Variants in DYNC2H1 observed in about 807,000 individuals in gnomAD.
The protein encoded by DYNC2H1 is cytoplasmic dynein 2 heavy chain 1.
In DYNC2H1, 410 loss-of-function variants were observed where a neutral mutation model predicts 570.0. The ratio of observed to expected loss-of-function variants is 0.72; its 90% CI spans 0.66 to 0.78. The LOEUF is 0.78. Ranked by LOEUF, DYNC2H1 falls within the 30% of genes least tolerant of loss-of-function variation. The probability of loss-of-function intolerance (pLI) is 0.00; values close to 1 mark genes in which losing one functional copy is unlikely to be tolerated. For missense variants in DYNC2H1, 4,865 were observed against 5,046.4 expected (o/e 0.96, Z 1.09); for synonymous variants, 1,688 against 1,677.6 (o/e 1.01, Z -0.15).
intron 54 of DYNC2H1, among the ~76,000 whole-genome samples, chr11:103,213,295 T>C (rs1465520450): frequency 1.3e-5 from 2 of 152,158 alleles, no homozygotes; most frequent in Non-Finnish European, 2.9e-5. Flanking sequence ...TCTTGAGTCC[T>C]TTTTCCCAAT....
intron 82 of DYNC2H1, among the ~76,000 whole-genome samples, chr11:103,345,516 G>A (rs1190389949): frequency 6.6e-6 from 1 of 152,170 alleles, no homozygotes; most frequent in East Asian, 1.9e-4. Context: ...CCAGTCTGGT[G>A]GGTTAAAGTG....
intron 78 of DYNC2H1, among the ~76,000 whole-genome samples, chr11:103,310,673 C>CTTTTTTTTTTTTT (rs748144270): frequency 2.6e-5 from 1 of 39,116 alleles, no homozygotes; most frequent in Non-Finnish European, 5.6e-5. Context: ...AGTGTATTTT[C>CTTTTTTTTTTTTT]TTTTTTTTTT....
In DYNC2H1 at chr11:103,177,778, GT is replaced by G. The variant is rs766057257; in HGVS notation, c.6101del (p.Leu2034Ter). ...DMDTREWSDG[V>X]LTNSARQVVR... ...GGACACAAGAGAATGGTCTGATGGT[GT>G]TTTGACAAATAGTGCTCGTCAAGTG... On this transcript the variant is annotated frameshift_variant, in exon 38 of 89. Coordinates refer to ENST00000375735, the MANE Select transcript of DYNC2H1 (RefSeq NM_001377.3). LOFTEE classifies it high-confidence loss of function. This position sits in a 1 kb window ranked among gnomAD's most constrained non-coding sequence, Gnocchi z 4.4. 1 of 1,612,708 alleles carries G rather than the reference GT, an allele frequency of 6.2e-7. No homozygotes were observed. The highest frequency in any genetic ancestry group is 2.2e-5 in the East Asian group (1 of 44,760).
intron 75 of DYNC2H1, among the ~76,000 whole-genome samples, chr11:103,294,953 C>G (rs1866758893): frequency 6.6e-6 from 1 of 152,176 alleles, no homozygotes; most frequent in Admixed American, 6.5e-5. Context: ...TCTTCTCTTG[C>G]CTTCCTCTAA....
chr11:103,187,470 A>G lies in DYNC2H1; in HGVS notation c.7024A>G (p.Thr2342Ala), dbSNP rs1251603822. The part of the protein sequence containing the change: ...SQTCMVISTN[T>A]GRVYRPKDCE... ...GACTTGCATGGTAATCAGTACTAAT[A>G]CTGGTCGTGTATACAGACCAAAAGA... is the stretch of plus-strand genomic sequence containing the variant. The change falls in exon 43 of 89, where the codon ACT (threonine) becomes GCT (alanine). Residue 2342 changes from threonine (T) to alanine (A), a missense_variant. Coordinates refer to ENST00000375735, the MANE Select transcript of DYNC2H1 (RefSeq NM_001377.3). 6.2e-7 allele frequency: 1 copy of G among 1,613,270 alleles called. No individual in the cohort carries two copies. Among genetic ancestry groups the G allele is most frequent in the Non-Finnish European group, 8.5e-7 (1 of 1,179,524 alleles).
chr11:103,255,777 A>G (rs865966385), intron 67 of DYNC2H1, among the ~76,000 whole-genome samples: 33 of 152,098 alleles, frequency 2.2e-4, no homozygotes, highest in African/African-American at 7.2e-4. Context: ...ATTTAATTAT[A>G]TGCTAATAAT....
At chr11:103,191,447 A>G in intron 45 of DYNC2H1, 70 bp from the exon 46 acceptor site, 1 of 1,211,260 alleles carries the variant, frequency 8.3e-7, no homozygotes, top group Admixed American at 2.0e-5. Context: ...GTCTAAGGAG[A>G]CTGAAAAATT....
At chr11:103,383,629 A>C (rs983569984) in intron 83 of DYNC2H1, among the ~76,000 whole-genome samples, 2 of 146,378 alleles carry the variant, frequency 1.4e-5, no homozygotes, top group Non-Finnish European at 3.0e-5. Flanking sequence ...ACCCACCACC[A>C]CGCCCAGCTA....
chr11:103,114,033 T>C (rs1858247901), intron 2 of DYNC2H1, 70 bp from the exon 3 acceptor site: 2 of 1,556,962 alleles, frequency 1.3e-6, no homozygotes, highest in Non-Finnish European at 8.7e-7. Flanking sequence ...TTTTGGACAG[T>C]GTTTTGGGAA....
At chr11:103,353,035 A>G (rs1333330594) in intron 82 of DYNC2H1, among the ~76,000 whole-genome samples, 1 of 152,154 alleles carries the variant, frequency 6.6e-6, no homozygotes, top group Non-Finnish European at 1.5e-5. Context: ...TCCTCAGCAA[A>G]CTAACACAGG....
chr11:103,259,219 C>G (rs533132859), intron 69 of DYNC2H1, among the ~76,000 whole-genome samples: 121 of 152,246 alleles, frequency 7.9e-4, no homozygotes, highest in African/African-American at 2.9e-3. Flanking sequence ...TCCAAATGCT[C>G]TGAGATGTAA....
At chr11:103,122,497 C>A (rs2134722353) in intron 10 of DYNC2H1, among the ~76,000 whole-genome samples, 1 of 152,298 alleles carries the variant, frequency 6.6e-6, no homozygotes, top group Middle Eastern at 3.4e-3. Context: ...ACATGTTTAG[C>A]AGTAATGCTG....
At chr11:103,211,571 C>A (rs1414287668) in intron 53 of DYNC2H1, among the ~76,000 whole-genome samples, 1 of 151,910 alleles carries the variant, frequency 6.6e-6, no homozygotes, top group Non-Finnish European at 1.5e-5. Flanking sequence ...TATATAGATG[C>A]TACTAAAACT....
At chr11:103,413,170 C>G (rs1454766190) in intron 84 of DYNC2H1, among the ~76,000 whole-genome samples, 2 of 152,220 alleles carry the variant, frequency 1.3e-5, no homozygotes, top group Non-Finnish European at 2.9e-5. Flanking sequence ...TCTATCTCCA[C>G]TACACTTTGT....
intron 80 of DYNC2H1, 68 bp downstream of exon 80, chr11:103,316,688 T>G: frequency 8.1e-7 from 1 of 1,240,806 alleles, no homozygotes; most frequent in Non-Finnish European, 1.1e-6. Context: ...ATTAACTATG[T>G]TTTCTTCAGA....
At chr11:103,303,284 T>A (rs1268071754) in intron 76 of DYNC2H1, 31 bp downstream of exon 76, 1 of 1,594,002 alleles carries the variant, frequency 6.3e-7, no homozygotes. Context: ...TGTTTTTGTT[T>A]TTGCTATTGC....
At chr11:103,408,710 T>G (rs1232061022) in intron 84 of DYNC2H1, among the ~76,000 whole-genome samples, 5 of 152,034 alleles carry the variant, frequency 3.3e-5, no homozygotes, top group Admixed American at 1.3e-4. Context: ...ATTGTCTATA[T>G]GGACTCTAGA....
intron 78 of DYNC2H1, among the ~76,000 whole-genome samples, chr11:103,310,216 G>A (rs1002097631): frequency 2.0e-5 from 3 of 151,432 alleles, no homozygotes; most frequent in East Asian, 1.9e-4. Flanking sequence ...TCATTTCACC[G>A]AATTTTCTTC....
rs1323770883 is a variant in DYNC2H1 at position 103,303,146 on chromosome 11, A to T, written c.11149A>T (p.Thr3717Ser). The change falls in exon 76 of 89, where the codon ACA becomes TCA. Residue 3717 changes from threonine to serine, a missense_variant. By Grantham distance (58) the Thr-to-Ser change is moderately conservative (BLOSUM62 1). Around this residue, in one of 5 missense-constraint regions of DYNC2H1, gnomAD observed 2,401 missense variants for 2,454.6 expected, o/e 0.98. Transcript: ENST00000375735. ...PLNLKRLYKE[T>S]LEIEPILIII... is the part of the protein sequence containing the mutation. ...AAATCTCAAACGTTTATACAAAGAGACACTGGAAATTGAACCCATCTTGAT... is the reference window on the plus strand; with the variant it reads ...AAATCTCAAACGTTTATACAAAGAGTCACTGGAAATTGAACCCATCTTGAT... The T allele has an allele frequency of 2.5e-6, 4 of 1,611,418 alleles. No individual in the cohort carries two copies. Among genetic ancestry groups the T allele is most frequent in the Middle Eastern group, 3.3e-4 (2 of 6,074 alleles).
Sources: gnomAD v4.1 joint callset for allele counts (sites outside exome capture counted in the v4.1 genomes callset) on GRCh38, gnomAD v4.1.1 for gene constraint, gnomAD v4.1.1 regional missense constraint, Gnocchi (gnomAD v3.1) non-coding constraint, MANE v1.5 for transcripts, NCBI Gene and HGNC (gene_info 2026-07-23, HGNC 2026-07-21) for gene names.